The following ADSS2 variants were observed in gnomAD, a reference collection of about 807,000 sequenced individuals.
The protein encoded by ADSS2 is adenylosuccinate synthetase isozyme 2.
ADSS2 carries 30 observed loss-of-function variants against 60.0 expected under a neutral mutation model. That is an observed-to-expected ratio of 0.50 (90% CI 0.37 to 0.68). The LOEUF (loss-of-function observed/expected upper bound fraction) is 0.68, where lower values mean the gene tolerates loss of function less well. Among genes scored for constraint, ADSS2 ranks in the 30% least tolerant of loss-of-function variants. The pLI is 0.00. For synonymous variants in ADSS2, 187 were observed against 193.1 expected (o/e 0.97, Z 0.26); for missense variants, 373 against 554.8 (o/e 0.67, Z 3.29).
chr1:244,437,877 G>T (rs986013072), intron 1 of ADSS2, 109 bp from the exon 2 acceptor site: 2 of 820,192 alleles, frequency 2.4e-6, no homozygotes, highest in Non-Finnish European at 4.1e-6. Context: ...ACTTAAGAGA[G>T]CCCAAATATT....
chr1:244,419,046 A>C (rs1473147906), intron 8 of ADSS2, 132 bp from the exon 9 acceptor site: 37 of 819,686 alleles, frequency 4.5e-5, no homozygotes, highest in Non-Finnish European at 6.6e-5. Flanking sequence ...CTGCCCTCTC[A>C]AAGACTCAGT....
upstream of ADSS2, chr1:244,451,941 G>GC: frequency 9.9e-7 from 1 of 1,008,946 alleles, no homozygotes; most frequent in Non-Finnish European, 1.4e-6. This position sits in a 1 kb window ranked among gnomAD's most constrained non-coding sequence, Gnocchi z 6.6. Context: ...CCCCGCCCCC[G>GC]CCCCGCCGGG....
chr1:244,414,791 G>A (rs1664492413), intron 11 of ADSS2, among the ~76,000 whole-genome samples: 1 of 152,196 alleles, frequency 6.6e-6, no homozygotes, highest in African/African-American at 2.4e-5. Context: ...TGGCCAAAGG[G>A]AGCTACCTCA....
intron 7 of ADSS2, among the ~76,000 whole-genome samples, chr1:244,421,759 G>C (rs188653649): frequency 3.9e-4 from 59 of 152,242 alleles, no homozygotes; most frequent in African/African-American, 1.4e-3. Context: ...CAGGCAGACT[G>C]CTTTAGCTCA....
chr1:244,423,962 A>G lies in ADSS2; in HGVS notation c.572T>C (p.Phe191Ser). 1 of 1,609,880 alleles carries G rather than the reference A, an allele frequency of 6.2e-7. No homozygotes were observed. Among genetic ancestry groups the G allele is most frequent in the Non-Finnish European group, 8.5e-7 (1 of 1,178,622 alleles). Residue 191 changes from phenylalanine to serine, a missense_variant, in exon 6 of 13, where the codon TTC becomes TCC. Coordinates refer to ENST00000366535, the MANE Select transcript of ADSS2 (RefSeq NM_001126.5). ...AACACAAGTTAGTTACCTCTCAGAGAAGCCATCAAAGTCAGAAACAAGGTC... is the reference window on the plus strand; with the variant it reads ...AACACAAGTTAGTTACCTCTCAGAGGAGCCATCAAAGTCAGAAACAAGGTC... ...MCDLVSDFDG[F>S]SERFKVLANQ...
chr1:244,433,266 T>C (rs564561351), intron 3 of ADSS2, among the ~76,000 whole-genome samples: 1 of 152,102 alleles, frequency 6.6e-6, no homozygotes, highest in Non-Finnish European at 1.5e-5. Context: ...TCTAAAAGTG[T>C]TTTTACTGAA....
intron 3 of ADSS2, among the ~76,000 whole-genome samples, chr1:244,434,353 CAAAA>C (rs533431244): frequency 1.5e-5 from 2 of 133,268 alleles, no homozygotes; most frequent in Non-Finnish European, 3.3e-5. Context: ...ACCATGTCTC[CAAAA>C]AAAAAAAAAG....
At chr1:244,450,323 G>T (rs929600434) in intron 1 of ADSS2, among the ~76,000 whole-genome samples, 2 of 152,240 alleles carry the variant, frequency 1.3e-5, no homozygotes, top group Admixed American at 1.3e-4. Context: ...TGGAAGGGAA[G>T]GAGGGAGAGG....
Position 244,434,864 on chromosome 1 carries a change from T to C in ADSS2, c.355+1961A>G, listed in dbSNP as rs149659464. On this transcript the variant is annotated intron_variant, in intron 3 of 12. Coordinates refer to ENST00000366535, the MANE Select transcript of ADSS2 (RefSeq NM_001126.5). Reference sequence around the variant, plus strand: ...GTGGTTAAGAACACCTGAAGACAGATTGCTACTTTTAAACCTGAACAGGGC... The same window carrying C: ...GTGGTTAAGAACACCTGAAGACAGACTGCTACTTTTAAACCTGAACAGGGC... Among the ~76,000 whole-genome samples the C allele has an allele frequency of 3.3e-3, 499 of 152,066 alleles. 4 individuals carry two copies. Among genetic ancestry groups the C allele is most frequent in the African/African-American group, 0.011 (475 of 41,484 alleles).
At chr1:244,418,980 CCGTTA>C (rs1664612445) in intron 8 of ADSS2, 66 bp from the exon 9 acceptor site, 1 of 1,372,542 alleles carries the variant, frequency 7.3e-7, no homozygotes, top group East Asian at 2.5e-5. Context: ...AACAGAATTA[CCGTTA>C]CAATTCTGCA....
intron 1 of ADSS2, among the ~76,000 whole-genome samples, chr1:244,444,303 C>T (rs1665326271): frequency 6.6e-6 from 1 of 151,106 alleles, no homozygotes; most frequent in Non-Finnish European, 1.5e-5. Flanking sequence ...ATCACGAGGT[C>T]AGGAGATCGA....
intron 6 of ADSS2, among the ~76,000 whole-genome samples, chr1:244,423,452 A>G (rs1664720452): frequency 6.6e-6 from 1 of 152,192 alleles, no homozygotes; most frequent in Admixed American, 6.5e-5. Flanking sequence ...TAGCTTTTTG[A>G]TGACTACTAG....
chr1:244,437,797 C>A lies in ADSS2; in HGVS notation c.184-29G>T, dbSNP rs770639774. ...AAATGTAAGATAGGGGAAAATTGAGCCTGATGATAAATACTACAAATAACC... is the reference window on the plus strand; with the variant it reads ...AAATGTAAGATAGGGGAAAATTGAGACTGATGATAAATACTACAAATAACC... On this transcript the variant is annotated intron_variant, in intron 1 of 12. Coordinates refer to ENST00000366535, the MANE Select transcript of ADSS2 (RefSeq NM_001126.5). The A allele has an allele frequency of 3.7e-5, 55 of 1,469,470 alleles. 1 individual carries two copies. The highest frequency in any genetic ancestry group is 2.2e-4 in the South Asian group (19 of 88,134). 91.0% of individuals were successfully genotyped at this position (1,469,470 alleles called of 1,614,324 possible). A position where few individuals can be genotyped will look rare whatever the true frequency, so the allele number is the denominator to read the frequency against.
In ADSS2 at chr1:244,449,131, CA is replaced by C. The variant is rs749212139; in HGVS notation, c.183+2503del. ...CCATAAATCCTGAATCTGAACAACA[CA>C]GGCCTTAAGCGCTGTTAAGAGTGAA... On this transcript the variant is annotated intron_variant, in intron 1 of 12. Coordinates refer to ENST00000366535, the MANE Select transcript of ADSS2 (RefSeq NM_001126.5). 1.1e-4 allele frequency among the ~76,000 whole-genome samples: 17 copies of C among 152,348 alleles called. No individual in the cohort carries two copies. In the South Asian group the frequency reaches 1.9e-3, roughly 17 times the overall value.
chr1:244,417,789 G>T (rs1158046251), intron 9 of ADSS2, 37 bp from the exon 10 acceptor site: 3 of 1,595,672 alleles, frequency 1.9e-6, no homozygotes, highest in Non-Finnish European at 1.7e-6. Context: ...GATTAGAATA[G>T]CAGTGCTATA....
intron 4 of ADSS2, among the ~76,000 whole-genome samples, chr1:244,429,888 A>G (rs188920904): frequency 6.6e-6 from 1 of 152,300 alleles, no homozygotes; most frequent in African/African-American, 2.4e-5. Context: ...TCTCAAAAAA[A>G]TAATAAAATA....
At chr1:244,450,116 G>A (rs1177666406) in intron 1 of ADSS2, among the ~76,000 whole-genome samples, 1 of 152,210 alleles carries the variant, frequency 6.6e-6, no homozygotes, top group Non-Finnish European at 1.5e-5. Flanking sequence ...CTCTCCCGCT[G>A]TCGACAGCAA....
intron 11 of ADSS2, among the ~76,000 whole-genome samples, chr1:244,415,505 T>G (rs981893501): frequency 6.6e-6 from 1 of 152,228 alleles, no homozygotes; most frequent in African/African-American, 2.4e-5. Flanking sequence ...ATTCCTTCAT[T>G]TGGCATATTC....
chr1:244,437,583 G>A, intron 2 of ADSS2, 83 bp downstream of exon 2: 1 of 993,092 alleles, frequency 1.0e-6, no homozygotes, highest in Non-Finnish European at 1.6e-6. Context: ...AGTGAGAGAT[G>A]AAAACAGTTT....
Sources: allele counts gnomAD v4.1 joint callset (sites outside exome capture counted in the v4.1 genomes callset), GRCh38; gene constraint gnomAD v4.1.1; non-coding constraint Gnocchi (gnomAD v3.1); transcripts MANE v1.5; gene names NCBI Gene and HGNC (gene_info 2026-07-23, HGNC 2026-07-21).